The following CLASP1 variants were observed in gnomAD, a reference collection of about 807,000 sequenced individuals.
The protein encoded by CLASP1 is cytoplasmic linker associated protein 1, also known as CLIP-associating protein 1.
CLASP1 carries 38 observed loss-of-function variants against 192.3 expected under a neutral mutation model. The ratio of observed to expected loss-of-function variants is 0.20; its 90% CI spans 0.15 to 0.26. The LOEUF is 0.26. Ranked by LOEUF, CLASP1 falls within the 10% of genes least tolerant of loss-of-function variation. CLASP1 has a pLI of 1.00. For missense variants in CLASP1, 1,433 were observed against 1,932.5 expected, an observed-to-expected ratio of 0.74 and a Z score of 4.85; for synonymous variants, 691 against 712.8, an observed-to-expected ratio of 0.97 and a Z score of 0.49.
At chr2:121,573,055 G>A (rs2060129521) in intron 2 of CLASP1, among the ~76,000 whole-genome samples, 1 of 152,176 alleles carries the variant, frequency 6.6e-6, no homozygotes, top group Non-Finnish European at 1.5e-5. Context: ...CACCTCCCGG[G>A]TTCAAGCAAT....
chr2:121,349,400 C>T (rs905029613), intron 37 of CLASP1, among the ~76,000 whole-genome samples: 6 of 152,234 alleles, frequency 3.9e-5, no homozygotes, highest in African/African-American at 9.6e-5. Context: ...GGGGGTGCAA[C>T]GAGCTGTGTT....
At chr2:121,489,231 A>G (rs768724438) in intron 8 of CLASP1, among the ~76,000 whole-genome samples, 22 of 152,244 alleles carry the variant, frequency 1.4e-4, no homozygotes, top group Non-Finnish European at 1.6e-4. Context: ...AAATATTATC[A>G]CTGTATACCT....
chr2:121,355,320 G>T (rs1240822813), intron 37 of CLASP1, among the ~76,000 whole-genome samples: 1 of 152,006 alleles, frequency 6.6e-6, no homozygotes, highest in Non-Finnish European at 1.5e-5. Flanking sequence ...GTAGAGACAG[G>T]GTTTCACCAA....
At chr2:121,502,725 G>T (rs1037031210) in intron 8 of CLASP1, among the ~76,000 whole-genome samples, 5 of 152,132 alleles carry the variant, frequency 3.3e-5, no homozygotes, top group Admixed American at 1.3e-4. Context: ...AGTCTTTGGA[G>T]GATTAGGAAG....
intron 10 of CLASP1, among the ~76,000 whole-genome samples, chr2:121,461,849 G>C (rs2088043395): frequency 6.6e-6 from 1 of 152,082 alleles, no homozygotes; most frequent in African/African-American, 2.4e-5. Flanking sequence ...GATGATTTTT[G>C]TATCTTTTAT....
intron 8 of CLASP1, among the ~76,000 whole-genome samples, chr2:121,498,598 GAC>G (rs1367203854): frequency 1.3e-5 from 2 of 152,106 alleles, no homozygotes; most frequent in Non-Finnish European, 2.9e-5. Flanking sequence ...TATCTCAAGT[GAC>G]ACTATCAAGA....
At position 121,633,279 on chromosome 2, in the gene CLASP1, AAG is replaced by A. The variant is rs532908839; in HGVS notation, c.-286+16091_-286+16092del. 2.0e-3 allele frequency among the ~76,000 whole-genome samples: 305 copies of A among 152,240 alleles called. 2 individuals carry two copies. Among genetic ancestry groups the A allele is most frequent in the Non-Finnish European group, 3.6e-3 (246 of 68,016 alleles). On this transcript the variant is annotated intron_variant, in intron 1 of 39. Transcript: ENST00000263710. The stretch of plus-strand genomic sequence containing the variant: ...TATACTTACATTCACTCATAATAAA[AAG>A]AGATACAAGTATATCCCCCAGATAC...
chr2:121,382,083 C>A, intron 33 of CLASP1, 125 bp downstream of exon 34: 1 of 730,170 alleles, frequency 1.4e-6, no homozygotes, highest in Middle Eastern at 2.9e-4. Context: ...TCTACTCCTG[C>A]TATGTGACAC....
chr2:121,388,027 C>A, intron 30 of CLASP1, 121 bp from the exon 32 acceptor site: 3 of 687,286 alleles, frequency 4.4e-6, no homozygotes, highest in South Asian at 2.2e-5. Context: ...TTCTAGGCAT[C>A]AAAAACAAAA....
intron 9 of CLASP1, among the ~76,000 whole-genome samples, chr2:121,463,628 G>C (rs765088181): frequency 6.6e-6 from 1 of 152,070 alleles, no homozygotes; most frequent in Non-Finnish European, 1.5e-5. Flanking sequence ...AGGACTCAAA[G>C]GCCAACAACA....
intron 8 of CLASP1, among the ~76,000 whole-genome samples, chr2:121,470,935 G>GT (rs2090609613): frequency 6.6e-6 from 1 of 151,688 alleles, no homozygotes; most frequent in Admixed American, 6.6e-5. Flanking sequence ...CATTTTTTTC[G>GT]TAAGTTCATT....
chr2:121,494,954 G>A (rs1485341566), intron 8 of CLASP1, among the ~76,000 whole-genome samples: 6 of 151,980 alleles, frequency 3.9e-5, no homozygotes, highest in African/African-American at 1.2e-4. Flanking sequence ...CCTGGGAGGC[G>A]GAGGTAACAG....
chr2:121,462,674 CTAAA>C, intron 9 of CLASP1, 69 bp from the exon 10 acceptor site: 1 of 862,480 alleles, frequency 1.2e-6, no homozygotes, highest in South Asian at 1.5e-5. Context: ...CTGAAGAAGT[CTAAA>C]CATACACAAT....
intron 1 of CLASP1, among the ~76,000 whole-genome samples, chr2:121,636,422 G>GAA (rs1301517485): frequency 6.6e-6 from 1 of 150,866 alleles, no homozygotes; most frequent in African/African-American, 2.4e-5. Flanking sequence ...CCAACACTTT[G>GAA]GGAGGCCGAG....
intron 20 of CLASP1, 183 bp from the exon 21 acceptor site, chr2:121,427,613 A>G: frequency 1.5e-6 from 1 of 653,746 alleles, no homozygotes; most frequent in Non-Finnish European, 2.7e-6. Context: ...TTGTCATTCT[A>G]CATTAGCATT....
intron 8 of CLASP1, among the ~76,000 whole-genome samples, chr2:121,478,641 ACACC>A (rs1457833208): frequency 5.0e-4 from 48 of 96,830 alleles, no homozygotes; most frequent in East Asian, 2.9e-3. Context: ...ACACACACAC[ACACC>A]CCCCACACAC....
intron 8 of CLASP1, among the ~76,000 whole-genome samples, chr2:121,493,525 C>T (rs1472535627): frequency 2.6e-5 from 4 of 152,136 alleles, no homozygotes; most frequent in African/African-American, 9.7e-5. Flanking sequence ...AAACCTAAGA[C>T]CTCAAACTAT....
intron 17 of CLASP1, 95 bp from the exon 18 acceptor site, chr2:121,448,420 T>C: frequency 1.7e-6 from 2 of 1,148,760 alleles, no homozygotes; most frequent in South Asian, 2.6e-5. Flanking sequence ...TGAAGAATTA[T>C]TTCAGAGTTT....
chr2:121,576,424 T>C (rs1367728142), intron 2 of CLASP1, among the ~76,000 whole-genome samples: 1 of 152,076 alleles, frequency 6.6e-6, no homozygotes, highest in Non-Finnish European at 1.5e-5. Context: ...TACAAAGAGG[T>C]AGCTTGAGTA....
Sources: gnomAD v4.1 joint callset for allele counts (sites outside exome capture counted in the v4.1 genomes callset) on GRCh38, gnomAD v4.1.1 for gene constraint, MANE v1.5 for transcripts, NCBI Gene and HGNC (gene_info 2026-07-23, HGNC 2026-07-21) for gene names.